SAMSN1: variants seen among roughly 807,000 people sequenced by gnomAD.
SAMSN1 encodes the protein SAM domain, SH3 domain and nuclear localization signals 1.
A neutral mutation model predicts 42.0 loss-of-function variants in SAMSN1; 31 were observed. The observed-to-expected ratio is 0.74, with a 90% confidence interval of 0.55 to 1.00. The LOEUF is 1.00. SAMSN1 is among the 50% of genes least tolerant of loss of function. The probability of loss-of-function intolerance (pLI) is 0.00; values close to 1 mark genes in which losing one functional copy is unlikely to be tolerated. For missense variants in SAMSN1, 464 were observed against 439.4 expected (o/e 1.06, Z -0.50); for synonymous variants, 178 against 151.9 (o/e 1.17, Z -1.26).
At chr21:14,561,690 C>T (rs2205366) in intron 2 of SAMSN1, among the ~76,000 whole-genome samples, 86,839 of 152,014 alleles carry the variant, frequency 0.57, 26,055 homozygotes, top group East Asian at 0.79. Context: ...TTGTTGCCAA[C>T]ATAATTAGTT....
At chr21:14,561,256 C>T (rs1980939401) in intron 2 of SAMSN1, among the ~76,000 whole-genome samples, 1 of 152,092 alleles carries the variant, frequency 6.6e-6, no homozygotes, top group Non-Finnish European at 1.5e-5. Context: ...ATTCCCCAGC[C>T]AATCAGCAGC....
chr21:14,568,955 C>T (rs1296044372), intron 2 of SAMSN1, among the ~76,000 whole-genome samples: 1 of 151,996 alleles, frequency 6.6e-6, no homozygotes, highest in Non-Finnish European at 1.5e-5. Flanking sequence ...ACAAAATTAA[C>T]CAGAATTCAT....
chr21:14,546,337 G>C, upstream of SAMSN1: 2 of 1,593,242 alleles, frequency 1.3e-6, no homozygotes, highest in Non-Finnish European at 1.7e-6. Context: ...GCAGTGTGCT[G>C]TCTAATGCAC....
intron 1 of SAMSN1, among the ~76,000 whole-genome samples, chr21:14,541,323 T>C (rs902764761): frequency 4.1e-5 from 6 of 145,260 alleles, no homozygotes; most frequent in Admixed American, 3.4e-4. Context: ...CAAAATCCTG[T>C]AAAAAAAAAA....
intron 1 of SAMSN1, among the ~76,000 whole-genome samples, chr21:14,657,161 G>A (rs1295554568): frequency 6.6e-6 from 1 of 151,626 alleles, no homozygotes; most frequent in Non-Finnish European, 1.5e-5. Flanking sequence ...CCACAAGAAG[G>A]AATAAAAAAC....
upstream of SAMSN1, chr21:14,585,272 C>G (rs1291492901): frequency 6.6e-6 from 1 of 152,100 alleles, no homozygotes; most frequent in Non-Finnish European, 1.5e-5. Context: ...ATTTTCTACT[C>G]TTTAGACCCT....
intron 2 of SAMSN1, among the ~76,000 whole-genome samples, chr21:14,519,244 AT>A (rs1427051165): frequency 6.6e-6 from 1 of 152,106 alleles, no homozygotes; most frequent in East Asian, 1.9e-4. Flanking sequence ...TAGAGTAGTT[AT>A]TTTTTGAATG....
intron 2 of SAMSN1, among the ~76,000 whole-genome samples, chr21:14,517,313 T>A (rs949387678): frequency 6.6e-6 from 1 of 152,218 alleles, no homozygotes; most frequent in African/African-American, 2.4e-5. Flanking sequence ...GACTATTTTT[T>A]AAATAGCTGT....
At chr21:14,517,791 T>A (rs989087996) in intron 2 of SAMSN1, among the ~76,000 whole-genome samples, 1 of 151,832 alleles carries the variant, frequency 6.6e-6, no homozygotes, top group Non-Finnish European at 1.5e-5. Flanking sequence ...CATAAAATAA[T>A]GTTCTGTCAA....
intron 2 of SAMSN1, among the ~76,000 whole-genome samples, chr21:14,634,833 TA>T (rs1192050150): frequency 6.6e-6 from 1 of 152,208 alleles, no homozygotes; most frequent in African/African-American, 2.4e-5. Context: ...CGTTACTGGG[TA>T]TATACCCAAA....
intron 1 of SAMSN1, among the ~76,000 whole-genome samples, chr21:14,536,992 G>A (rs967661675): frequency 6.6e-6 from 1 of 152,182 alleles, no homozygotes; most frequent in Non-Finnish European, 1.5e-5. Context: ...TTCTGCAATA[G>A]TCTGTTAACT....
intron 5 of SAMSN1, among the ~76,000 whole-genome samples, chr21:14,507,588 T>C (rs1987472590): frequency 6.6e-6 from 1 of 152,226 alleles, no homozygotes; most frequent in South Asian, 2.1e-4. Context: ...TGCCCATGGA[T>C]AGGTAGAATC....
intron 5 of SAMSN1, among the ~76,000 whole-genome samples, chr21:14,505,333 A>G (rs936214922): frequency 3.3e-5 from 5 of 152,220 alleles, no homozygotes; most frequent in Non-Finnish European, 7.3e-5. Context: ...TTCACAAACT[A>G]TATGCTGCCT....
At chr21:14,538,990 A>G (rs1979820732) in intron 1 of SAMSN1, among the ~76,000 whole-genome samples, 1 of 152,228 alleles carries the variant, frequency 6.6e-6, no homozygotes, top group South Asian at 2.1e-4. Flanking sequence ...CCTCTCAAGT[A>G]AAGGCCAAGA....
At chr21:14,552,992 C>T (rs1313402220) in intron 2 of SAMSN1, among the ~76,000 whole-genome samples, 1 of 152,026 alleles carries the variant, frequency 6.6e-6, no homozygotes, top group African/African-American at 2.4e-5. Flanking sequence ...CTCTCCCATC[C>T]TTCTCTATTC....
chr21:14,584,520 ATTATC>A (rs1485394586), upstream of SAMSN1, among the ~76,000 whole-genome samples: 2 of 152,148 alleles, frequency 1.3e-5, no homozygotes, highest in South Asian at 2.1e-4. Context: ...GCTTTTACTT[ATTATC>A]TTAAGTATAG....
At chr21:14,522,834 C>T (rs909174887) in intron 1 of SAMSN1, among the ~76,000 whole-genome samples, 4 of 152,176 alleles carry the variant, frequency 2.6e-5, no homozygotes, top group African/African-American at 9.7e-5. Flanking sequence ...GAGCCTATCC[C>T]CACAACTCAG....
chr21:14,626,639 G>C (rs1166637827), intron 2 of SAMSN1, among the ~76,000 whole-genome samples: 2 of 152,224 alleles, frequency 1.3e-5, no homozygotes, highest in African/African-American at 4.8e-5. Context: ...AGGGGCTGTA[G>C]AGGATGTGGA....
At chr21:14,559,218 T>C (rs1411199070) in intron 2 of SAMSN1, among the ~76,000 whole-genome samples, 1 of 152,194 alleles carries the variant, frequency 6.6e-6, no homozygotes, top group Non-Finnish European at 1.5e-5. Flanking sequence ...TTTGTTTTTC[T>C]AGTTTATGGT....
Sources: allele counts gnomAD v4.1 joint callset (sites outside exome capture counted in the v4.1 genomes callset), GRCh38; gene constraint gnomAD v4.1.1; transcripts MANE v1.5; gene names NCBI Gene and HGNC (gene_info 2026-07-23, HGNC 2026-07-21).